The following NPSR1 variants were observed in gnomAD, a reference collection of about 807,000 sequenced individuals.
NPSR1 encodes the protein neuropeptide S receptor.
In NPSR1, 48 loss-of-function variants were observed where a neutral mutation model predicts 46.9. The observed-to-expected ratio is 1.02, with a 90% confidence interval of 0.81 to 1.30. The LOEUF is 1.30. NPSR1 is among the 50% of genes most tolerant of loss of function. NPSR1 has a pLI of 0.00. For missense variants in NPSR1, 450 were observed against 449.5 expected (o/e 1.00, Z -0.01); for synonymous variants, 176 against 168.1 (o/e 1.05, Z -0.36).
At chr7:34,850,398 CTTTT>C (rs756462912), downstream of NPSR1, among the ~76,000 whole-genome samples, 1 of 113,046 alleles carries the variant, frequency 8.8e-6, no homozygotes, top group African/African-American at 3.6e-5. Context: ...TCCTTGAGGC[CTTTT>C]TTTTTTTTTT....
At chr7:34,728,599 T>C (rs1181448655) in intron 2 of NPSR1, 1 of 152,658 alleles carries the variant, frequency 6.6e-6, no homozygotes, top group African/African-American at 2.4e-5. Flanking sequence ...CCTGAGGTTT[T>C]TCAGGAACCA....
intron 3 of NPSR1, among the ~76,000 whole-genome samples, chr7:34,809,588 C>T (rs1416899268): frequency 4.6e-5 from 7 of 151,192 alleles, no homozygotes; most frequent in Non-Finnish European, 1.0e-4. Context: ...CTCAGCCTCC[C>T]GAGTAGCTGG....
intron 5 of NPSR1, among the ~76,000 whole-genome samples, chr7:34,833,643 A>G (rs943351796): frequency 2.6e-5 from 4 of 152,230 alleles, no homozygotes; most frequent in Admixed American, 2.6e-4. Flanking sequence ...TACATTTGTT[A>G]TCTCACAGTT....
chr7:34,803,239 A>G (rs556609753), intron 3 of NPSR1, among the ~76,000 whole-genome samples: 4 of 152,068 alleles, frequency 2.6e-5, no homozygotes, highest in East Asian at 3.9e-4. Flanking sequence ...AGGACTATAA[A>G]TCATGCTGCT....
chr7:34,712,188 C>T (rs10253137), intron 2 of NPSR1, among the ~76,000 whole-genome samples: 2 of 152,186 alleles, frequency 1.3e-5, no homozygotes, highest in African/African-American at 4.8e-5. Flanking sequence ...AGTTTTTATA[C>T]AATTGCTTTC....
rs190027530 is a variant in NPSR1, at chr7:34,658,703, G to A, written c.147+144G>A. ...AAAAGGATTTTTAAAAGTCTGAAGT[G>A]CTAAAACAACAAGCTGTAGTGTGCA... On this transcript the variant is annotated intron_variant, in intron 1 of 8. Coordinates refer to ENST00000360581, the MANE Select transcript of NPSR1 (RefSeq NM_207172.2). The A allele has an allele frequency of 1.6e-4, 136 of 839,718 alleles. 2 individuals carry two copies. The Admixed American group carries it at 3.5e-3, about 21-fold the overall frequency. 52.0% of individuals were successfully genotyped at this position (839,718 alleles called of 1,614,324 possible).
At chr7:34,676,194 A>T (rs1266394921) in intron 1 of NPSR1, among the ~76,000 whole-genome samples, 3 of 152,174 alleles carry the variant, frequency 2.0e-5, no homozygotes, top group Non-Finnish European at 4.4e-5. Context: ...GAGATAAACC[A>T]ATTTTTATTG....
intron 2 of NPSR1, among the ~76,000 whole-genome samples, chr7:34,742,072 T>TTC: frequency 6.6e-6 from 1 of 152,346 alleles, no homozygotes; most frequent in South Asian, 2.1e-4. Flanking sequence ...CACTTTCTTC[T>TTC]TCTCTAATAT....
At chr7:34,822,591 C>G (rs1420730731) in intron 4 of NPSR1, among the ~76,000 whole-genome samples, 1 of 152,094 alleles carries the variant, frequency 6.6e-6, no homozygotes, top group Non-Finnish European at 1.5e-5. Context: ...TAATATAAAA[C>G]TTTGATAATT....
chr7:34,786,061 C>T (rs1178297528), intron 3 of NPSR1, among the ~76,000 whole-genome samples: 1 of 152,104 alleles, frequency 6.6e-6, no homozygotes, highest in Non-Finnish European at 1.5e-5. Context: ...CATCAATTGA[C>T]TTTTCCTTAC....
Position 34,678,932 on chromosome 7 carries a change from T to C in NPSR1, c.148-5620T>C, listed in dbSNP as rs571408254. 4.8e-3 allele frequency among the ~76,000 whole-genome samples: 737 copies of C among 152,304 alleles called. 3 individuals are homozygous for C. Among genetic ancestry groups the C allele is most frequent in the Non-Finnish European group, 8.4e-3 (570 of 68,016 alleles). ...AAGAGAAGTATGTTATACTAGAATA[T>C]GCTAATAATCTAAATTTTAAAATCA... is the stretch of plus-strand genomic sequence containing the variant. On this transcript the variant is annotated intron_variant, in intron 1 of 8. Coordinates refer to ENST00000360581, the MANE Select transcript of NPSR1 (RefSeq NM_207172.2).
At chr7:34,823,572 G>C (rs1057367491) in intron 4 of NPSR1, among the ~76,000 whole-genome samples, 5 of 151,908 alleles carry the variant, frequency 3.3e-5, no homozygotes, top group Admixed American at 3.3e-4. Flanking sequence ...TAAGGAAATT[G>C]GTACTTTTGT....
chr7:34,828,511 G>A (rs1204135937), intron 5 of NPSR1, among the ~76,000 whole-genome samples: 1 of 152,210 alleles, frequency 6.6e-6, no homozygotes. Flanking sequence ...CTCTGCATGT[G>A]TAGATGGGGT....
chr7:34,792,733 A>ATATTTATATATATATGTATATATATATAT (rs1787991559), intron 3 of NPSR1, among the ~76,000 whole-genome samples: 1 of 125,586 alleles, frequency 8.0e-6, no homozygotes, highest in Non-Finnish European at 1.7e-5. Flanking sequence ...ATATATATAT[A>ATATTTATATATATATGTATATATATATAT]TTAGCCAGGC....
intron 2 of NPSR1, among the ~76,000 whole-genome samples, chr7:34,690,557 T>C (rs769858928): frequency 2.0e-5 from 3 of 152,038 alleles, no homozygotes; most frequent in Non-Finnish European, 4.4e-5. Flanking sequence ...GAAACGGACA[T>C]TTAAAAATTA....
intron 1 of NPSR1, among the ~76,000 whole-genome samples, chr7:34,665,578 G>A (rs914415792): frequency 2.6e-5 from 4 of 152,102 alleles, no homozygotes; most frequent in Non-Finnish European, 5.9e-5. Flanking sequence ...TCTTACCATA[G>A]TCTGAGGATA....
chr7:34,850,135 A>G (rs913633701), downstream of NPSR1, among the ~76,000 whole-genome samples: 6 of 152,250 alleles, frequency 3.9e-5, no homozygotes, highest in Non-Finnish European at 8.8e-5. Context: ...TTGAAATGCC[A>G]ACAAATTCAT....
intron 2 of NPSR1, among the ~76,000 whole-genome samples, chr7:34,704,514 T>C (rs182474243): frequency 1.2e-4 from 18 of 152,286 alleles, no homozygotes; most frequent in Admixed American, 7.2e-4. Flanking sequence ...TGAGGTTTAA[T>C]ATGTAATTAT....
downstream of NPSR1, among the ~76,000 whole-genome samples, chr7:34,854,247 C>T (rs1027906847): frequency 6.6e-6 from 1 of 152,072 alleles, no homozygotes; most frequent in African/African-American, 2.4e-5. Context: ...AAGAGAGAAA[C>T]AGGGACATAA....
Sources: gnomAD v4.1 joint callset for allele counts (sites outside exome capture counted in the v4.1 genomes callset) on GRCh38, gnomAD v4.1.1 for gene constraint, MANE v1.5 for transcripts, NCBI Gene and HGNC (gene_info 2026-07-23, HGNC 2026-07-21) for gene names.